OPCML: variants seen among roughly 807,000 people sequenced by gnomAD.
The protein encoded by OPCML is opioid binding protein/cell adhesion molecule like.
Under a neutral mutation model 37.8 loss-of-function variants are expected in OPCML, and 13 were observed. The observed-to-expected ratio is 0.34, with a 90% CI of 0.22 to 0.55. The LOEUF (loss-of-function observed/expected upper bound fraction) is 0.55, where lower values mean the gene tolerates loss of function less well. Ranked by LOEUF, OPCML falls within the 20% of genes least tolerant of loss-of-function variation. OPCML has a pLI of 0.91. For synonymous variants in OPCML, 176 were observed against 168.8 expected, an observed-to-expected ratio of 1.04 and a Z score of -0.33; for missense variants, 341 against 435.6, an observed-to-expected ratio of 0.78 and a Z score of 1.93.
chr11:133,345,771 G>GGTAT (rs1310187424), intron 1 of OPCML, among the ~76,000 whole-genome samples: 1 of 152,106 alleles, frequency 6.6e-6, no homozygotes, highest in East Asian at 1.9e-4. Flanking sequence ...TATCTTCTAG[G>GGTAT]CTCAAGCCCA....
intron 2 of OPCML, among the ~76,000 whole-genome samples, chr11:132,911,164 C>T (rs995706453): frequency 1.3e-5 from 2 of 152,200 alleles, no homozygotes; most frequent in African/African-American, 2.4e-5. Flanking sequence ...AAACAATATC[C>T]ATTTTCTCCC....
At chr11:132,435,322 C>A (rs574897018) in intron 7 of OPCML, 5 of 1,085,506 alleles carry the variant, frequency 4.6e-6, no homozygotes, top group Non-Finnish European at 6.2e-6. Flanking sequence ...CACGTGGAAA[C>A]GTGGATACCT....
chr11:132,720,287 C>G (rs529327132), intron 2 of OPCML, among the ~76,000 whole-genome samples: 2 of 152,184 alleles, frequency 1.3e-5, no homozygotes, highest in Non-Finnish European at 2.9e-5. Flanking sequence ...GCTAGCCTGC[C>G]GGCCAAGACC....
At chr11:133,024,387 T>C (rs936611880) in intron 1 of OPCML, 1 of 985,176 alleles carries the variant, frequency 1.0e-6, no homozygotes, top group East Asian at 1.1e-4. Context: ...CTCATTAGGA[T>C]GGAGACCTCT....
rs542985825 is a variant in OPCML, at chr11:132,545,484, A to G, written c.380-16298T>C. Among the ~76,000 whole-genome samples, 4 of 152,352 alleles carry G rather than the reference A, an allele frequency of 2.6e-5. No homozygotes were observed. In the East Asian group the frequency reaches 5.8e-4, roughly 22 times the overall value. On this transcript the variant is annotated intron_variant, in intron 3 of 7. Coordinates refer to ENST00000524381, the MANE Select transcript of OPCML (RefSeq NM_001012393.5). ...GCAAGCTACATAATATCTTGTTTTC[A>G]AATTATTTAATTTAATCTTTTCAAA...
At chr11:133,007,185 C>G in intron 1 of OPCML, 1 of 985,446 alleles carries the variant, frequency 1.0e-6, no homozygotes, top group Non-Finnish European at 1.2e-6. Flanking sequence ...GGGACTCTGT[C>G]TCACATAGCA....
chr11:133,120,774 T>C (rs1949408018), intron 1 of OPCML, among the ~76,000 whole-genome samples: 1 of 152,286 alleles, frequency 6.6e-6, no homozygotes, highest in Middle Eastern at 3.4e-3. Flanking sequence ...TCTACTATGA[T>C]CACATACATC....
chr11:133,133,376 C>T (rs532414659), intron 1 of OPCML, among the ~76,000 whole-genome samples: 1 of 152,170 alleles, frequency 6.6e-6, no homozygotes, highest in Admixed American at 6.5e-5. Context: ...TTTTAGCCTC[C>T]ACATTTTCTT....
chr11:133,455,974 C>T (rs7927151), intron 1 of OPCML, among the ~76,000 whole-genome samples: 19,330 of 152,184 alleles, frequency 0.13, 2,893 homozygotes, highest in African/African-American at 0.36. Context: ...GCACAACATA[C>T]TCGCAATGTT....
chr11:133,015,510 G>T (rs1413267150), intron 1 of OPCML, among the ~76,000 whole-genome samples: 1 of 151,630 alleles, frequency 6.6e-6, no homozygotes, highest in East Asian at 1.9e-4. Flanking sequence ...GAAAGTCATT[G>T]CACATAACAG....
At chr11:133,402,299 G>A (rs543275594) in intron 1 of OPCML, among the ~76,000 whole-genome samples, 40 of 152,158 alleles carry the variant, frequency 2.6e-4, no homozygotes, top group Non-Finnish European at 4.6e-4. Context: ...ATAACAATAT[G>A]AGTTCATTCA....
chr11:133,157,885 T>A (rs1950084381), intron 1 of OPCML, among the ~76,000 whole-genome samples: 1 of 152,134 alleles, frequency 6.6e-6, no homozygotes, highest in Non-Finnish European at 1.5e-5. Flanking sequence ...AAAATGCACA[T>A]CTCCAAAAAC....
intron 1 of OPCML, among the ~76,000 whole-genome samples, chr11:133,136,694 C>T (rs567792659): frequency 2.6e-5 from 4 of 151,804 alleles, no homozygotes; most frequent in Admixed American, 6.6e-5. Flanking sequence ...AGAGAGAATA[C>T]GGGAGTGAGC....
At chr11:133,261,990 G>T (rs1941509802) in intron 1 of OPCML, among the ~76,000 whole-genome samples, 1 of 152,138 alleles carries the variant, frequency 6.6e-6, no homozygotes, top group Admixed American at 6.5e-5. Flanking sequence ...CCCTGCCGTG[G>T]GTGGCTCCAG....
At chr11:132,581,021 G>C (rs962301117) in intron 3 of OPCML, among the ~76,000 whole-genome samples, 4 of 152,126 alleles carry the variant, frequency 2.6e-5, no homozygotes, top group African/African-American at 9.7e-5. Context: ...CTTTGGAAGA[G>C]GGTCTAGATG....
intron 1 of OPCML, among the ~76,000 whole-genome samples, chr11:132,979,749 G>T (rs140668057): frequency 1.7e-4 from 26 of 152,348 alleles, no homozygotes; most frequent in African/African-American, 6.0e-4. Context: ...TCTTCAGAAC[G>T]TAAGTAACAG....
Position 132,849,604 on chromosome 11 carries a change from C to T in OPCML, c.146+93322G>A, listed in dbSNP as rs145522641. On this transcript the variant is annotated intron_variant, in intron 2 of 7. Transcript: ENST00000524381. ...TGTTATTTTATACTGAGGACACTCC[C>T]ATATAAGAAGATCACCTGCAAGTAG... 3.2e-4 allele frequency among the ~76,000 whole-genome samples: 49 copies of T among 152,268 alleles called. No homozygotes were observed. The East Asian group carries it at 8.9e-3, about 28-fold the overall frequency.
chr11:132,765,557 A>C (rs1946410870), intron 2 of OPCML, among the ~76,000 whole-genome samples: 1 of 152,178 alleles, frequency 6.6e-6, no homozygotes. Flanking sequence ...TTTAGCCCTG[A>C]GGACAATCTT....
chr11:133,338,232 T>C (rs942102049), intron 1 of OPCML, among the ~76,000 whole-genome samples: 1 of 152,052 alleles, frequency 6.6e-6, no homozygotes. Flanking sequence ...TTAATTCATC[T>C]CAGAGGTGAT....
Sources: allele counts gnomAD v4.1 joint callset (sites outside exome capture counted in the v4.1 genomes callset), GRCh38; gene constraint gnomAD v4.1.1; transcripts MANE v1.5; gene names NCBI Gene and HGNC (gene_info 2026-07-23, HGNC 2026-07-21).